The following GALNT17 variants were observed in gnomAD, a reference collection of about 807,000 sequenced individuals.
The protein encoded by GALNT17 is UDP-GalNAc:polypeptide N-acetylgalactosaminyltransferase-like 3.
Under a neutral mutation model 63.7 loss-of-function variants are expected in GALNT17, and 29 were observed. That is an observed-to-expected ratio of 0.46 (90% CI 0.34 to 0.62). The LOEUF is 0.62. Among genes scored for constraint, GALNT17 ranks in the 20% least tolerant of loss-of-function variants. GALNT17 has a pLI of 0.01. For synonymous variants in GALNT17, 305 were observed against 318.3 expected (o/e 0.96, Z 0.45); for missense variants, 603 against 799.6 (o/e 0.75, Z 2.97).
chr7:71,197,239 G>A lies in GALNT17; in HGVS notation c.238+64199G>A, dbSNP rs370198100. Reference sequence around the variant, plus strand: ...TTTTGAGACAGAGTGTCGCTCTTTCGCCCAAGCTGGAGTGCAGTGGCGCGA... The same window carrying A: ...TTTTGAGACAGAGTGTCGCTCTTTCACCCAAGCTGGAGTGCAGTGGCGCGA... On this transcript the variant is annotated intron_variant, in intron 1 of 10. Coordinates refer to ENST00000333538, the MANE Select transcript of GALNT17 (RefSeq NM_022479.3). Among the ~76,000 whole-genome samples the A allele has an allele frequency of 1.9e-3, 219 of 114,182 alleles. 2 individuals are homozygous for A. Among genetic ancestry groups the A allele is most frequent in the African/African-American group, 7.1e-3 (202 of 28,604 alleles). The allele number at this position is 114,182 out of a possible 152,430, so 74.9% of individuals were successfully genotyped here.
intron 1 of GALNT17, among the ~76,000 whole-genome samples, chr7:71,283,354 T>C (rs2115766857): frequency 6.6e-6 from 1 of 152,308 alleles, no homozygotes; most frequent in South Asian, 2.1e-4. Flanking sequence ...TTTTATTTTT[T>C]TGTGGTTCAA....
chr7:71,650,698 C>T (rs1426439568), intron 6 of GALNT17, among the ~76,000 whole-genome samples: 3 of 152,198 alleles, frequency 2.0e-5, no homozygotes, highest in Non-Finnish European at 1.5e-5. Context: ...GCCCTACCAA[C>T]TCCTTTAATC....
chr7:71,199,517 T>G (rs1789122409), intron 1 of GALNT17, among the ~76,000 whole-genome samples: 1 of 146,824 alleles, frequency 6.8e-6, no homozygotes, highest in African/African-American at 2.6e-5. Context: ...ACTAACCCCA[T>G]CCATTCATCC....
intron 2 of GALNT17, among the ~76,000 whole-genome samples, chr7:71,386,185 A>G (rs987746920): frequency 6.6e-6 from 1 of 152,184 alleles, no homozygotes; most frequent in Non-Finnish European, 1.5e-5. Context: ...GCATCCCTGG[A>G]CGATCTTCTC....
chr7:71,205,589 T>A (rs1467223011), intron 1 of GALNT17, among the ~76,000 whole-genome samples: 3 of 152,166 alleles, frequency 2.0e-5, no homozygotes, highest in African/African-American at 7.2e-5. Flanking sequence ...CACGCTTGAC[T>A]AATTTTTAAA....
chr7:71,395,634 C>T (rs1183239439), intron 3 of GALNT17, among the ~76,000 whole-genome samples: 1 of 152,112 alleles, frequency 6.6e-6, no homozygotes, highest in East Asian at 1.9e-4. Flanking sequence ...TGTGATAATT[C>T]TGTGGTTAAC....
At chr7:71,643,141 A>G (rs1790627198) in intron 6 of GALNT17, among the ~76,000 whole-genome samples, 4 of 151,972 alleles carry the variant, frequency 2.6e-5, no homozygotes, top group Admixed American at 2.6e-4. Context: ...TGGTTCTTTA[A>G]GGTTTCAAGA....
intron 6 of GALNT17, among the ~76,000 whole-genome samples, chr7:71,623,855 C>G (rs1443065870): frequency 6.6e-6 from 1 of 152,310 alleles, no homozygotes; most frequent in South Asian, 2.1e-4. Flanking sequence ...TGCATTTCCA[C>G]CATCTTTGTC....
chr7:71,187,246 A>T (rs569822163), intron 1 of GALNT17, among the ~76,000 whole-genome samples: 1 of 151,128 alleles, frequency 6.6e-6, no homozygotes, highest in African/African-American at 2.4e-5. Flanking sequence ...AGTAGCTGGG[A>T]CTACAGGCAC....
chr7:71,456,990 T>C (rs188838532), intron 5 of GALNT17, among the ~76,000 whole-genome samples: 36 of 152,328 alleles, frequency 2.4e-4, no homozygotes, highest in Admixed American at 2.1e-3. Context: ...GAAGGTTGAA[T>C]TCTTTTGAGT....
At chr7:71,438,593 T>C (rs1787009415) in intron 5 of GALNT17, among the ~76,000 whole-genome samples, 1 of 152,206 alleles carries the variant, frequency 6.6e-6, no homozygotes. Context: ...ATAATAGTAC[T>C]GTCTTATAGG....
intron 2 of GALNT17, among the ~76,000 whole-genome samples, chr7:71,366,313 C>T (rs183196805): frequency 3.2e-4 from 48 of 152,164 alleles, no homozygotes; most frequent in African/African-American, 8.9e-4. Context: ...CGGCTGGGCA[C>T]GGTGGCTCAC....
intron 9 of GALNT17, among the ~76,000 whole-genome samples, chr7:71,701,815 A>ATATG (rs1470544709): frequency 1.3e-4 from 1 of 7,596 alleles, no homozygotes; most frequent in African/African-American, 2.6e-4. Context: ...ATATATATAT[A>ATATG]CACATATATA....
chr7:71,695,756 A>G (rs1483232714), intron 9 of GALNT17, among the ~76,000 whole-genome samples: 2 of 152,128 alleles, frequency 1.3e-5, no homozygotes, highest in Admixed American at 1.3e-4. Context: ...GGCATTTGGA[A>G]TTTTCCAAAG....
At chr7:71,357,335 G>C (rs1216734109) in intron 2 of GALNT17, among the ~76,000 whole-genome samples, 2 of 152,100 alleles carry the variant, frequency 1.3e-5, no homozygotes, top group African/African-American at 4.8e-5. Flanking sequence ...ATTGTGAACT[G>C]TGCATGCATT....
At chr7:71,387,895 C>G (rs1443619739) in intron 2 of GALNT17, among the ~76,000 whole-genome samples, 1 of 152,144 alleles carries the variant, frequency 6.6e-6, no homozygotes, top group Non-Finnish European at 1.5e-5. Flanking sequence ...ACCTTTGTTT[C>G]AGGCTCTGTT....
Position 71,669,902 on chromosome 7 carries a change from C to T in GALNT17, c.1267-70C>T, listed in dbSNP as rs569706298. The T allele has an allele frequency of 8.9e-6, 14 of 1,576,750 alleles. No individual in the cohort carries two copies. The East Asian group carries it at 3.1e-4, about 35-fold the overall frequency. ...TATGTGAAGGTTTCCCTGAAAGTGA[C>T]TCCACCTGTGCCCCACTCTGGCCAG... On this transcript the variant is annotated intron_variant, in intron 7 of 10. Coordinates refer to ENST00000333538, the MANE Select transcript of GALNT17 (RefSeq NM_022479.3).
At chr7:71,545,437 C>T (rs1404996988) in intron 5 of GALNT17, among the ~76,000 whole-genome samples, 2 of 152,220 alleles carry the variant, frequency 1.3e-5, no homozygotes, top group Non-Finnish European at 2.9e-5. Flanking sequence ...ACTGCAACCT[C>T]TGCCTCTGGA....
At chr7:71,343,746 A>T (rs962432206) in intron 2 of GALNT17, among the ~76,000 whole-genome samples, 2 of 152,140 alleles carry the variant, frequency 1.3e-5, no homozygotes, top group African/African-American at 2.4e-5. Context: ...TCAAGTTTGC[A>T]TCTTTTGTTC....
Sources: allele counts gnomAD v4.1 joint callset (sites outside exome capture counted in the v4.1 genomes callset), GRCh38; gene constraint gnomAD v4.1.1; transcripts MANE v1.5; gene names NCBI Gene and HGNC (gene_info 2026-07-23, HGNC 2026-07-21).